The following ANO6 variants were observed in gnomAD, a reference collection of about 807,000 sequenced individuals.
ANO6 encodes anoctamin 6, also known as anoctamin-6.
In ANO6, 106 loss-of-function variants were observed where a neutral mutation model predicts 117.5. The ratio of observed to expected loss-of-function variants is 0.90; its 90% confidence interval spans 0.77 to 1.06. The LOEUF (loss-of-function observed/expected upper bound fraction) is 1.06. Ranked by LOEUF, ANO6 falls within the 50% of genes least tolerant of loss-of-function variation. ANO6 has a pLI of 0.00. For synonymous variants in ANO6, 367 were observed against 385.1 expected, an observed-to-expected ratio of 0.95 and a Z score of 0.55; for missense variants, 955 against 1,121.1, an observed-to-expected ratio of 0.85 and a Z score of 2.12.
At chr12:45,255,946 C>T (rs1021870177) in intron 1 of ANO6, among the ~76,000 whole-genome samples, 14 of 151,644 alleles carry the variant, frequency 9.2e-5, no homozygotes, top group African/African-American at 2.9e-4. Flanking sequence ...GCCTCCCTCC[C>T]GAGTAGCTGG....
At chr12:45,369,094 A>C (rs1008410729) in intron 9 of ANO6, among the ~76,000 whole-genome samples, 2 of 152,140 alleles carry the variant, frequency 1.3e-5, no homozygotes, top group Non-Finnish European at 2.9e-5. Flanking sequence ...TTGTTTCACT[A>C]CTTAGTTAAG....
chr12:45,403,977 C>T (rs114314343), intron 15 of ANO6, among the ~76,000 whole-genome samples: 2,032 of 151,994 alleles, frequency 0.013, 38 homozygotes, highest in African/African-American at 0.047. Flanking sequence ...TATATATATA[C>T]ATCATTTAAT....
chr12:45,221,724 G>A (rs567540381), intron 1 of ANO6, among the ~76,000 whole-genome samples: 28 of 152,122 alleles, frequency 1.8e-4, no homozygotes, highest in Admixed American at 5.3e-4. Flanking sequence ...TTATGAAAGA[G>A]GCGCCATCTG....
At chr12:45,426,183 T>G (rs1440571269) in intron 19 of ANO6, among the ~76,000 whole-genome samples, 1 of 152,174 alleles carries the variant, frequency 6.6e-6, no homozygotes, top group Non-Finnish European at 1.5e-5. Context: ...AGCAATATAT[T>G]TCAAAAAGAT....
intron 2 of ANO6, among the ~76,000 whole-genome samples, chr12:45,302,724 G>A (rs1451604635): frequency 1.3e-5 from 2 of 152,106 alleles, no homozygotes; most frequent in African/African-American, 2.4e-5. Flanking sequence ...AGGATGCCTT[G>A]TGCAAAATAT....
intron 1 of ANO6, chr12:45,292,971 A>C: frequency 1.3e-6 from 2 of 1,551,134 alleles, no homozygotes; most frequent in Non-Finnish European, 1.7e-6. Context: ...TTGCTGGAAC[A>C]GTGAGCAGTG....
rs200880993 is a variant in ANO6 at position 45,421,134 on chromosome 12, G to T, written c.2281G>T (p.Val761Phe). ...PRLVYYWSFS[V>F]PPYGDHTSYT... is the part of the protein sequence containing the mutation. ...CCTAGTGTACTACTGGTCCTTCTCC[G>T]TCCCTCCCTACGGGGACCACACTTC... is the stretch of plus-strand genomic sequence containing the variant. Residue 761 changes from valine (V) to phenylalanine (F), a missense_variant, in exon 18 of 20, where the codon GTC becomes TTC. Physicochemically the swap from Val to Phe is conservative, Grantham distance 50. Transcript: ENST00000320560. 2 of 1,613,864 alleles carry T rather than the reference G, an allele frequency of 1.2e-6. No individual in the cohort carries two copies. Among genetic ancestry groups the T allele is most frequent in the Non-Finnish European group, 1.7e-6 (2 of 1,179,956 alleles).
At chr12:45,266,656 G>C (rs757613297) in intron 1 of ANO6, among the ~76,000 whole-genome samples, 3 of 152,134 alleles carry the variant, frequency 2.0e-5, no homozygotes, top group Admixed American at 2.0e-4. Context: ...AATTAGCTGA[G>C]CGTGGTAGCA....
At chr12:45,363,102 C>T (rs1218023350) in intron 8 of ANO6, among the ~76,000 whole-genome samples, 6 of 151,978 alleles carry the variant, frequency 3.9e-5, no homozygotes, top group South Asian at 2.1e-4. Flanking sequence ...GGACCAGAAG[C>T]GTTTCAGATT....
intron 6 of ANO6, 136 bp downstream of exon 6, chr12:45,348,767 A>C (rs1248662299): frequency 2.7e-6 from 2 of 735,254 alleles, no homozygotes; most frequent in Non-Finnish European, 4.9e-6. Context: ...TTACAAGCTC[A>C]TTTAGGGTAA....
chr12:45,353,710 AG>A (rs764344503), intron 7 of ANO6, among the ~76,000 whole-genome samples: 34 of 152,298 alleles, frequency 2.2e-4, no homozygotes, highest in Non-Finnish European at 4.0e-4. Context: ...ACAGCAACCT[AG>A]GGGAACCAGA....
At chr12:45,404,804 C>A (rs147591760) in intron 15 of ANO6, among the ~76,000 whole-genome samples, 2,197 of 152,282 alleles carry the variant, frequency 0.014, 25 homozygotes, top group Non-Finnish European at 0.021. Flanking sequence ...TATCACCCTT[C>A]TTTACAGGCT....
intron 6 of ANO6, 64 bp downstream of exon 6, chr12:45,348,695 A>C (rs1224500018): frequency 8.3e-7 from 1 of 1,204,946 alleles, no homozygotes; most frequent in Non-Finnish European, 1.2e-6. Flanking sequence ...ACAATAGCAA[A>C]GGGCTAACTT....
chr12:45,229,390 G>GTTTTTTT (rs11422062), intron 1 of ANO6, among the ~76,000 whole-genome samples: 1 of 127,338 alleles, frequency 7.9e-6, no homozygotes, highest in African/African-American at 3.0e-5. Context: ...TTTATTTTTA[G>GTTTTTTT]TTTTTTTTTT....
intron 12 of ANO6, among the ~76,000 whole-genome samples, chr12:45,396,461 A>G (rs1400874681): frequency 1.3e-5 from 2 of 152,218 alleles, no homozygotes; most frequent in East Asian, 1.9e-4. Context: ...CAAGCTACCA[A>G]TGACTTTCTT....
intron 1 of ANO6, among the ~76,000 whole-genome samples, chr12:45,239,332 G>A (rs1947700433): frequency 6.6e-6 from 1 of 152,210 alleles, no homozygotes; most frequent in Non-Finnish European, 1.5e-5. Context: ...TTGTGTGGGT[G>A]TGTTTGTAGT....
intron 12 of ANO6, among the ~76,000 whole-genome samples, chr12:45,394,861 T>C (rs185107240): frequency 6.6e-6 from 1 of 152,148 alleles, no homozygotes; most frequent in Non-Finnish European, 1.5e-5. Context: ...AGAGGGAAAT[T>C]TATAGCACTA....
chr12:45,412,413 A>G (rs1943109166), intron 16 of ANO6, among the ~76,000 whole-genome samples: 1 of 152,114 alleles, frequency 6.6e-6, no homozygotes, highest in Non-Finnish European at 1.5e-5. Flanking sequence ...TAATTTTTTA[A>G]AATCTGCTAA....
intron 1 of ANO6, among the ~76,000 whole-genome samples, chr12:45,240,940 C>A (rs1418408751): frequency 6.6e-6 from 1 of 152,168 alleles, no homozygotes; most frequent in Non-Finnish European, 1.5e-5. Context: ...GATGGGCTTC[C>A]CTTTGTGGGT....
Sources: allele counts gnomAD v4.1 joint callset (sites outside exome capture counted in the v4.1 genomes callset), GRCh38; gene constraint gnomAD v4.1.1; transcripts MANE v1.5; gene names NCBI Gene and HGNC (gene_info 2026-07-23, HGNC 2026-07-21).